The following RAD51B variants were observed in gnomAD, a reference collection of about 807,000 sequenced individuals.
The protein encoded by RAD51B is DNA repair protein RAD51 homolog 2.
RAD51B carries 38 observed loss-of-function variants against 42.2 expected under a neutral mutation model. The ratio of observed to expected loss-of-function variants is 0.90; its 90% CI spans 0.70 to 1.18. RAD51B has a LOEUF of 1.18. RAD51B is among the 50% of genes most tolerant of loss of function. The pLI is 0.00. For missense variants in RAD51B, 373 were observed against 400.7 expected, an observed-to-expected ratio of 0.93 and a Z score of 0.59; for synonymous variants, 154 against 145.2, an observed-to-expected ratio of 1.06 and a Z score of -0.43.
intron 3 of RAD51B, among the ~76,000 whole-genome samples, 164 bp from the exon 4 acceptor site, chr14:67,834,916 A>C (rs1447976954): frequency 1.3e-5 from 2 of 152,206 alleles, no homozygotes; most frequent in Non-Finnish European, 2.9e-5. Context: ...CCCATAATCT[A>C]GCACAGTCCC....
intron 7 of RAD51B, among the ~76,000 whole-genome samples, chr14:67,974,421 A>G (rs2074952185): frequency 6.6e-6 from 1 of 152,138 alleles, no homozygotes; most frequent in Non-Finnish European, 1.5e-5. Context: ...TGATCTATGT[A>G]CTGAGACTTC....
intron 7 of RAD51B, among the ~76,000 whole-genome samples, chr14:68,006,606 TG>T (rs2075596172): frequency 6.6e-6 from 1 of 152,150 alleles, no homozygotes; most frequent in Non-Finnish European, 1.5e-5. Context: ...TAATATTTCT[TG>T]GAAATCCTTG....
At chr14:68,095,112 AT>A (rs2077169573) in intron 7 of RAD51B, among the ~76,000 whole-genome samples, 1 of 152,170 alleles carries the variant, frequency 6.6e-6, no homozygotes, top group African/African-American at 2.4e-5. Context: ...TAATTAAGTA[AT>A]TTATCATAAG....
chr14:67,851,884 G>T (rs1329330260), intron 4 of RAD51B, among the ~76,000 whole-genome samples: 2 of 152,048 alleles, frequency 1.3e-5, no homozygotes, highest in Non-Finnish European at 2.9e-5. Context: ...TGTGCTGGCG[G>T]CCCAAGTCAG....
chr14:67,848,011 T>C (rs1052176499), intron 4 of RAD51B, among the ~76,000 whole-genome samples: 3 of 152,188 alleles, frequency 2.0e-5, no homozygotes, highest in African/African-American at 7.2e-5. Flanking sequence ...TCCTGTTGGA[T>C]TGTACACTTT....
Position 68,210,395 on chromosome 14 carries a change from A to G in RAD51B, c.757-81489A>G, listed in dbSNP as rs141380753. ...ATCAGTATTTATATTGCAGTATTCA[A>G]ATACTCTGGAGCCAAATAGATAGGA... On this transcript the variant is annotated intron_variant, in intron 7 of 10. Transcript: ENST00000471583. Among the ~76,000 whole-genome samples, 767 of 152,366 alleles carry G rather than the reference A, an allele frequency of 5.0e-3. 5 individuals carry two copies. Among genetic ancestry groups the G allele is most frequent in the Middle Eastern group, 0.027 (8 of 294 alleles).
intron 7 of RAD51B, among the ~76,000 whole-genome samples, chr14:68,039,055 A>G (rs1304660480): frequency 1.3e-5 from 2 of 152,140 alleles, no homozygotes; most frequent in African/African-American, 4.8e-5. Context: ...AACACAACCA[A>G]TCAGGGGCTG....
intron 7 of RAD51B, among the ~76,000 whole-genome samples, chr14:68,004,490 T>A (rs920322620): frequency 6.6e-6 from 1 of 152,080 alleles, no homozygotes; most frequent in Non-Finnish European, 1.5e-5. Context: ...TCTGGAAAAA[T>A]TTTTATAACA....
intron 7 of RAD51B, among the ~76,000 whole-genome samples, chr14:67,946,535 T>A (rs959771001): frequency 6.6e-6 from 1 of 152,182 alleles, no homozygotes. Context: ...GCCCAGCTGA[T>A]TTTTGTATTT....
intron 7 of RAD51B, among the ~76,000 whole-genome samples, chr14:68,035,284 T>G (rs1328337038): frequency 6.6e-6 from 1 of 152,246 alleles, no homozygotes; most frequent in Admixed American, 6.5e-5. Flanking sequence ...AAAAATGAGT[T>G]GTTTGTGTTT....
At chr14:68,678,441 C>T (rs997328950) in intron 11 of RAD51B, among the ~76,000 whole-genome samples, 2 of 152,248 alleles carry the variant, frequency 1.3e-5, no homozygotes, top group Non-Finnish European at 1.5e-5. Context: ...CTTTCTGTGT[C>T]TCTAGCACTG....
chr14:67,821,166 C>G (rs8018709), intron 1 of RAD51B, among the ~76,000 whole-genome samples: 49,248 of 152,048 alleles, frequency 0.32, 8,326 homozygotes, highest in Middle Eastern at 0.45. Context: ...TTTTAAATAG[C>G]AATTGTAATG....
chr14:68,246,813 AAAGTCTT>A (rs1470554074), intron 7 of RAD51B, among the ~76,000 whole-genome samples: 1 of 149,366 alleles, frequency 6.7e-6, no homozygotes, highest in Non-Finnish European at 1.5e-5. Flanking sequence ...AAGTGGAAGT[AAAGTCTT>A]TCTTTGCAAT....
intron 10 of RAD51B, among the ~76,000 whole-genome samples, chr14:68,564,805 G>C (rs1404135599): frequency 6.6e-6 from 1 of 152,206 alleles, no homozygotes; most frequent in African/African-American, 2.4e-5. Context: ...ATCTCCCACT[G>C]AAAGAGCCGG....
At chr14:68,011,099 G>A (rs2075676729) in intron 7 of RAD51B, among the ~76,000 whole-genome samples, 1 of 151,920 alleles carries the variant, frequency 6.6e-6, no homozygotes, top group Non-Finnish European at 1.5e-5. Flanking sequence ...TTAATTTTTA[G>A]TATGAATTTT....
intron 7 of RAD51B, among the ~76,000 whole-genome samples, chr14:68,167,743 C>G (rs534622090): frequency 6.4e-4 from 98 of 152,228 alleles, no homozygotes; most frequent in African/African-American, 2.3e-3. Context: ...CCAAAGATTT[C>G]ATAGACAGTC....
intron 10 of RAD51B, among the ~76,000 whole-genome samples, chr14:68,558,392 G>A (rs530252995): frequency 6.6e-5 from 10 of 152,306 alleles, no homozygotes; most frequent in East Asian, 1.9e-4. Flanking sequence ...CTAGCCACGC[G>A]GGTACTTTAC....
At chr14:68,520,189 G>C (rs762588114) in intron 10 of RAD51B, among the ~76,000 whole-genome samples, 4 of 152,214 alleles carry the variant, frequency 2.6e-5, no homozygotes, top group Non-Finnish European at 5.9e-5. Flanking sequence ...TTGGAACCCA[G>C]AGGAATCCTT....
intron 10 of RAD51B, among the ~76,000 whole-genome samples, chr14:68,476,852 A>G (rs1882662652): frequency 6.6e-6 from 1 of 152,208 alleles, no homozygotes. Flanking sequence ...TCGCCACAGA[A>G]CTAAGGGCTT....
Sources: gnomAD v4.1 joint callset for allele counts (sites outside exome capture counted in the v4.1 genomes callset) on GRCh38, gnomAD v4.1.1 for gene constraint, MANE v1.5 for transcripts, NCBI Gene and HGNC (gene_info 2026-07-23, HGNC 2026-07-21) for gene names.